GSDMC: variants seen among roughly 807,000 people sequenced by gnomAD.
The protein encoded by GSDMC is gasdermin-C.
A neutral mutation model predicts 58.0 loss-of-function variants in GSDMC; 59 were observed. The observed-to-expected ratio is 1.02, with a 90% CI of 0.82 to 1.26. The LOEUF (loss-of-function observed/expected upper bound fraction) is 1.26, where lower values mean the gene tolerates loss of function less well. Ranked by LOEUF, GSDMC falls within the 50% of genes most tolerant of loss-of-function variation. GSDMC has a pLI of 0.00. For missense variants in GSDMC, 659 were observed against 598.5 expected (o/e 1.10, Z -1.06); for synonymous variants, 241 against 220.2 (o/e 1.09, Z -0.83).
intron 13 of GSDMC, 137 bp from the exon 14 acceptor site, chr8:129,748,877 G>A (rs1390615475): frequency 3.4e-6 from 2 of 581,378 alleles, no homozygotes; most frequent in African/African-American, 3.9e-5. Flanking sequence ...GGAGTAACAT[G>A]CTGGTCATAC....
At chr8:129,771,017 T>TTATATA (rs1334989359) in intron 3 of GSDMC, among the ~76,000 whole-genome samples, 2 of 149,650 alleles carry the variant, frequency 1.3e-5, no homozygotes, top group Non-Finnish European at 3.0e-5. Flanking sequence ...ACACATTTTT[T>TTATATA]TATATATATA....
intron 2 of GSDMC, 144 bp from the exon 3 acceptor site, chr8:129,776,429 A>C (rs2034229195): frequency 3.4e-6 from 2 of 582,778 alleles, no homozygotes; most frequent in Non-Finnish European, 3.0e-6. Flanking sequence ...CTCTGTTGAA[A>C]ACTAATCCAT....
the GSDMC span, among the ~76,000 whole-genome samples, chr8:129,714,308 A>C: frequency 6.6e-6 from 1 of 152,242 alleles, no homozygotes; most frequent in Non-Finnish European, 1.5e-5. Flanking sequence ...TTCAGTGCCC[A>C]TCACAGAATG....
intron 1 of GSDMC, among the ~76,000 whole-genome samples, chr8:129,783,810 C>T (rs2034481876): frequency 6.6e-6 from 1 of 152,080 alleles, no homozygotes; most frequent in Admixed American, 6.6e-5. Flanking sequence ...AAGAGCAAAA[C>T]TCAAGGAATC....
the GSDMC span, among the ~76,000 whole-genome samples, chr8:129,709,169 C>G: frequency 8.7e-6 from 1 of 114,704 alleles, no homozygotes. Context: ...CTGAATTCCC[C>G]CTTCTTTTTT....
chr8:129,752,724 G>A lies in GSDMC; in HGVS notation c.818C>T (p.Ser273Leu), dbSNP rs773542987. ...HTISPTLFNA[S>L]SNDMKLKPEL... ...TGGTTTTAACTTCATATCATTGGAT[G>A]AGGCATTGAAGAGGGTTGGAGAGAT... The change falls in exon 7 of 14, where the codon TCA becomes TTA. Residue 273 changes from serine (S) to leucine (L), a missense_variant. Ser to Leu is a moderately radical substitution (Grantham distance 145). Coordinates refer to ENST00000276708, the MANE Select transcript of GSDMC (RefSeq NM_031415.3). The A allele has an allele frequency of 4.0e-5, 64 of 1,614,220 alleles. No individual in the cohort carries two copies. The South Asian group carries it at 6.3e-4, about 16-fold the overall frequency.
At chr8:129,779,721 G>A (rs183178811) in intron 1 of GSDMC, among the ~76,000 whole-genome samples, 119 of 152,070 alleles carry the variant, frequency 7.8e-4, no homozygotes, top group Middle Eastern at 3.4e-3. Flanking sequence ...GTAATAAAAT[G>A]TAATTTTGAA....
chr8:129,750,062 G>A lies in GSDMC; in HGVS notation c.1141C>T (p.Leu381Phe), dbSNP rs2033116266. ...DGPGGAILKKLQQDSNHAWFN... is the reference protein window; with the variant it reads ...DGPGGAILKKFQQDSNHAWFN... ...CATGCATGGTTTGAATCCTGTTGAA[G>A]TTTCTTTAGGATGGCACCACCAGGG... The change falls in exon 12 of 14, where the codon CTT becomes TTT. Residue 381 changes from leucine (L) to phenylalanine (F), a missense_variant. Transcript: ENST00000276708. The A allele has an allele frequency of 1.2e-6, 2 of 1,609,970 alleles. No homozygotes were observed. Among genetic ancestry groups the A allele is most frequent in the Non-Finnish European group, 1.7e-6 (2 of 1,177,828 alleles).
At chr8:129,764,522 C>A (rs2033788678) in intron 4 of GSDMC, among the ~76,000 whole-genome samples, 1 of 152,120 alleles carries the variant, frequency 6.6e-6, no homozygotes, top group Admixed American at 6.5e-5. Flanking sequence ...TCACTCCCAC[C>A]CTTCACTGTA....
At chr8:129,777,628 G>A (rs769854568) in intron 1 of GSDMC, 37 bp from the exon 2 acceptor site, 2 of 1,053,394 alleles carry the variant, frequency 1.9e-6, no homozygotes, top group Non-Finnish European at 2.9e-6. Flanking sequence ...AGTTGGGAGA[G>A]GAAGAAAATG....
rs2033209478 is a variant in GSDMC at position 129,751,871 on chromosome 8, G to T, written c.907C>A (p.Leu303Ile). 2 of 1,612,448 alleles carry T rather than the reference G, an allele frequency of 1.2e-6. No individual in the cohort carries two copies. The highest frequency in any genetic ancestry group is 2.2e-5 in the East Asian group (1 of 44,854). ...HLPKYEQVHI[L>I]PVGRIEEPFW... ...GCAAACTCACACTCACCTACTGGGAGGATGTGAACTTGTTCGTATTCTAAA... is the reference window on the plus strand; with the variant it reads ...GCAAACTCACACTCACCTACTGGGATGATGTGAACTTGTTCGTATTCTAAA... The change falls in exon 9 of 14, where the codon CTC becomes ATC. Residue 303 changes from leucine (L) to isoleucine (I), a missense_variant. Physicochemically the swap from Leu to Ile is conservative, Grantham distance 5. Coordinates refer to ENST00000276708, the MANE Select transcript of GSDMC (RefSeq NM_031415.3).
chr8:129,751,404 T>C, intron 10 of GSDMC, 138 bp downstream of exon 10: 1 of 691,276 alleles, frequency 1.4e-6, no homozygotes. Context: ...CCTCAATAAA[T>C]GTTTGTTTGT....
At position 129,750,452 on chromosome 8, in the gene GSDMC, A is replaced by G; in HGVS notation, c.1062T>C (p.Ala354=). 1 of 1,614,066 alleles carries G rather than the reference A, an allele frequency of 6.2e-7. No individual in the cohort carries two copies. Among genetic ancestry groups the G allele is most frequent in the Middle Eastern group, 1.6e-4 (1 of 6,062 alleles). The change falls in exon 11 of 14, where the codon GCT becomes GCC. Residue 354 remains alanine, a synonymous_variant. Coordinates refer to ENST00000276708, the MANE Select transcript of GSDMC (RefSeq NM_031415.3). ...TCACCATGTTCATCAGGTCCTGTAG[A>G]GCCCCTCTGTCTCTGAGCATGGCCA... ...SILAMLRDRG[A]LQDLMNMLEL...
the GSDMC span, among the ~76,000 whole-genome samples, chr8:129,721,955 C>T: frequency 1.3e-5 from 2 of 152,112 alleles, no homozygotes; most frequent in Admixed American, 1.3e-4. Context: ...ATCACAATGA[C>T]TTAGAGTGGA....
the GSDMC span, among the ~76,000 whole-genome samples, chr8:129,709,584 G>A: frequency 7.1e-6 from 1 of 140,634 alleles, no homozygotes; most frequent in African/African-American, 2.7e-5. Context: ...ATGATAGATA[G>A]ATAGATGATA....
chr8:129,749,519 C>T lies in GSDMC; in HGVS notation c.1220G>A (p.Ser407Asn). The part of the protein sequence containing the change: ...LYLLEAIMVL[S>N]DFQHDLLACS... ...GGCCAGCAAATCGTGTTGGAAGTCACTCAGCACTGAGGGTGGGGGACATGT... is the reference window on the plus strand; with the variant it reads ...GGCCAGCAAATCGTGTTGGAAGTCATTCAGCACTGAGGGTGGGGGACATGT... The change falls in exon 13 of 14, where the codon AGT (serine) becomes AAT (asparagine). Residue 407 changes from serine (S) to asparagine (N), a missense_variant. Transcript: ENST00000276708. The T allele has an allele frequency of 6.2e-7, 1 of 1,613,130 alleles. No individual in the cohort carries two copies.
chr8:129,734,726 C>A, the GSDMC span, among the ~76,000 whole-genome samples: 1 of 152,222 alleles, frequency 6.6e-6, no homozygotes, highest in South Asian at 2.1e-4. Context: ...TTGTAAAGAC[C>A]ATTGATGCTA....
At chr8:129,733,361 G>A in the GSDMC span, among the ~76,000 whole-genome samples, 6 of 152,234 alleles carry the variant, frequency 3.9e-5, no homozygotes, top group Non-Finnish European at 8.8e-5. Context: ...CTGCCTCCTC[G>A]AGTGGGTCCC....
chr8:129,746,361 T>G (rs1182345691), downstream of GSDMC, among the ~76,000 whole-genome samples: 1 of 151,856 alleles, frequency 6.6e-6, no homozygotes, highest in Non-Finnish European at 1.5e-5. Flanking sequence ...TAGTTGAGAG[T>G]TGAGTTATAG....
Sources: gnomAD v4.1 joint callset for allele counts (sites outside exome capture counted in the v4.1 genomes callset) on GRCh38, gnomAD v4.1.1 for gene constraint, MANE v1.5 for transcripts, NCBI Gene and HGNC (gene_info 2026-07-23, HGNC 2026-07-21) for gene names.